Variants in STPG2 observed in about 807,000 individuals in gnomAD.
STPG2 encodes sperm tail PG-rich repeat containing 2, also known as sperm-tail PG-rich repeat-containing protein 2.
In STPG2, 56 loss-of-function variants were observed where a neutral mutation model predicts 54.2. That is an observed-to-expected ratio of 1.03 (90% CI 0.83 to 1.29). The LOEUF (loss-of-function observed/expected upper bound fraction) is 1.29. Among genes scored for constraint, STPG2 ranks in the 50% most tolerant of loss-of-function variants. The pLI is 0.00. For synonymous variants in STPG2, 200 were observed against 181.8 expected (o/e 1.10, Z -0.81); for missense variants, 596 against 544.9 (o/e 1.09, Z -0.93).
At chr4:97,533,667 T>C (rs557833403) in intron 4 of STPG2, among the ~76,000 whole-genome samples, 1 of 152,264 alleles carries the variant, frequency 6.6e-6, no homozygotes, top group East Asian at 1.9e-4. Flanking sequence ...AAATATGTAC[T>C]ATTATGTCAA....
At chr4:97,661,835 A>G (rs1476792940) in intron 10 of STPG2, among the ~76,000 whole-genome samples, 1 of 152,168 alleles carries the variant, frequency 6.6e-6, no homozygotes, top group Non-Finnish European at 1.5e-5. Context: ...ATCAAGAACA[A>G]GTATTAGTTG....
intron 4 of STPG2, among the ~76,000 whole-genome samples, chr4:97,462,815 G>A (rs1378100974): frequency 4.6e-5 from 7 of 152,024 alleles, no homozygotes; most frequent in Admixed American, 2.6e-4. Context: ...GTGTTTATCA[G>A]CAGATGTTTG....
At chr4:97,520,106 TA>T (rs916031257) in intron 4 of STPG2, among the ~76,000 whole-genome samples, 3 of 151,962 alleles carry the variant, frequency 2.0e-5, no homozygotes, top group African/African-American at 7.3e-5. Context: ...AGCTTTTGTG[TA>T]AGTGGAGAGG....
intron 8 of STPG2, among the ~76,000 whole-genome samples, chr4:97,871,209 A>C (rs540367123): frequency 6.6e-6 from 1 of 151,186 alleles, no homozygotes; most frequent in Admixed American, 6.6e-5. Flanking sequence ...AATAAAAATA[A>C]ATTAAATTCT....
chr4:97,543,664 A>T (rs2148863448), intron 4 of STPG2, among the ~76,000 whole-genome samples: 1 of 152,284 alleles, frequency 6.6e-6, no homozygotes, highest in African/African-American at 2.4e-5. Flanking sequence ...AATCAAAATT[A>T]TGTATGATTT....
At chr4:97,952,482 C>T (rs1393847731) in intron 7 of STPG2, among the ~76,000 whole-genome samples, 8 of 152,190 alleles carry the variant, frequency 5.3e-5, no homozygotes, top group Admixed American at 4.6e-4. Flanking sequence ...ATGTGGCATA[C>T]TTTCCTTTCG....
intron 5 of STPG2, among the ~76,000 whole-genome samples, chr4:97,984,738 C>T (rs1035085193): frequency 6.6e-6 from 1 of 152,166 alleles, no homozygotes; most frequent in Non-Finnish European, 1.5e-5. Context: ...AAGTGTTACG[C>T]CCCCTGTTGG....
intron 9 of STPG2, among the ~76,000 whole-genome samples, chr4:97,772,399 T>C (rs1005590963): frequency 1.3e-5 from 2 of 152,172 alleles, no homozygotes; most frequent in African/African-American, 4.8e-5. Context: ...TATTAAGAAC[T>C]GTCAGTTTTT....
intron 10 of STPG2, among the ~76,000 whole-genome samples, chr4:97,691,892 C>T (rs1360688334): frequency 2.6e-5 from 4 of 152,072 alleles, no homozygotes; most frequent in African/African-American, 4.8e-5. Context: ...ATCCCCATTA[C>T]CAGCCCAGAG....
intron 5 of STPG2, among the ~76,000 whole-genome samples, chr4:98,047,751 T>C (rs1737182073): frequency 6.8e-6 from 1 of 148,100 alleles, no homozygotes; most frequent in Admixed American, 6.8e-5. Context: ...GTAGGTCTTG[T>C]ATTTTTAGAA....
chr4:98,044,041 G>T (rs1203400122), intron 5 of STPG2, among the ~76,000 whole-genome samples: 1 of 151,666 alleles, frequency 6.6e-6, no homozygotes, highest in African/African-American at 2.4e-5. Context: ...TTCTGTTCCT[G>T]CATTAGTTTG....
intron 9 of STPG2, among the ~76,000 whole-genome samples, chr4:97,835,031 T>A (rs1323425144): frequency 6.6e-6 from 1 of 152,008 alleles, no homozygotes; most frequent in Non-Finnish European, 1.5e-5. Flanking sequence ...TAAGTAGTGG[T>A]TGGGTAAAAT....
At chr4:98,111,632 G>A (rs970682443) in intron 3 of STPG2, among the ~76,000 whole-genome samples, 17 of 151,970 alleles carry the variant, frequency 1.1e-4, no homozygotes, top group Admixed American at 3.9e-4. Flanking sequence ...AATTAAATGC[G>A]GATTGTGATG....
At chr4:97,732,165 G>C (rs1291765352) in intron 9 of STPG2, among the ~76,000 whole-genome samples, 1 of 152,154 alleles carries the variant, frequency 6.6e-6, no homozygotes, top group African/African-American at 2.4e-5. Context: ...ACCTATGGTC[G>C]CATTTTGCCG....
At chr4:97,765,667 A>G (rs193162955) in intron 9 of STPG2, among the ~76,000 whole-genome samples, 8 of 152,246 alleles carry the variant, frequency 5.3e-5, no homozygotes. Flanking sequence ...TGTTGTAACC[A>G]CTAAGATTAT....
chr4:97,574,467 C>A (rs1271417550), intron 10 of STPG2, among the ~76,000 whole-genome samples: 1 of 151,640 alleles, frequency 6.6e-6, no homozygotes, highest in Non-Finnish European at 1.5e-5. Context: ...GATTGGCAGA[C>A]AAAAGAGTAT....
At chr4:98,115,866 A>G (rs140234920) in intron 3 of STPG2, among the ~76,000 whole-genome samples, 1 of 152,112 alleles carries the variant, frequency 6.6e-6, no homozygotes, top group Non-Finnish European at 1.5e-5. Context: ...TCTCTCAAAT[A>G]CAAGATGAGG....
At chr4:97,614,375 G>T (rs1357917220) in intron 10 of STPG2, among the ~76,000 whole-genome samples, 2 of 151,978 alleles carry the variant, frequency 1.3e-5, no homozygotes, top group Non-Finnish European at 2.9e-5. Context: ...AATGGCTAAG[G>T]ATTTTCCATA....
chr4:97,850,816 A>T (rs1578621071), intron 8 of STPG2, among the ~76,000 whole-genome samples: 1 of 152,200 alleles, frequency 6.6e-6, no homozygotes, highest in African/African-American at 2.4e-5. Flanking sequence ...TTACTTGGGC[A>T]CATTGATATT....
Sources: allele counts gnomAD v4.1 joint callset (sites outside exome capture counted in the v4.1 genomes callset), GRCh38; gene constraint gnomAD v4.1.1; transcripts MANE v1.5; gene names NCBI Gene and HGNC (gene_info 2026-07-23, HGNC 2026-07-21).